Variants in ADAMTS16 observed in about 807,000 individuals in gnomAD.
ADAMTS16 encodes A disintegrin and metalloproteinase with thrombospondin motifs 16.
A neutral mutation model predicts 145.8 loss-of-function variants in ADAMTS16; 94 were observed. The observed-to-expected ratio is 0.64, with a 90% confidence interval of 0.55 to 0.77. The LOEUF is 0.77. Ranked by LOEUF, ADAMTS16 falls within the 30% of genes least tolerant of loss-of-function variation. ADAMTS16 has a pLI of 0.00. For missense variants in ADAMTS16, 1,585 were observed against 1,591.5 expected (o/e 1.00, Z 0.07); for synonymous variants, 659 against 604.3 (o/e 1.09, Z -1.33).
At chr5:5,242,329 G>A in intron 17 of ADAMTS16, 138 bp downstream of exon 17, 2 of 1,217,462 alleles carry the variant, frequency 1.6e-6, no homozygotes, top group Non-Finnish European at 2.2e-6. Flanking sequence ...CCCAAGGTGG[G>A]GAGTGGTGGT....
At chr5:5,168,236 C>T (rs1479335850) in intron 3 of ADAMTS16, among the ~76,000 whole-genome samples, 1 of 151,508 alleles carries the variant, frequency 6.6e-6, no homozygotes, top group Non-Finnish European at 1.5e-5. Flanking sequence ...TAATATTTTC[C>T]TTCATTCCAT....
chr5:5,206,878 AG>A (rs1736140480), intron 9 of ADAMTS16, among the ~76,000 whole-genome samples: 1 of 152,202 alleles, frequency 6.6e-6, no homozygotes, highest in African/African-American at 2.4e-5. Context: ...CCTTTGTCAA[AG>A]ATCAGTTGAC....
At chr5:5,189,020 C>T (rs1163248673) in intron 6 of ADAMTS16, among the ~76,000 whole-genome samples, 1 of 152,182 alleles carries the variant, frequency 6.6e-6, no homozygotes, top group Non-Finnish European at 1.5e-5. Flanking sequence ...GCAAGGCTTG[C>T]CCCCGTGTTT....
At chr5:5,171,273 G>C (rs1735034873) in intron 3 of ADAMTS16, among the ~76,000 whole-genome samples, 1 of 151,836 alleles carries the variant, frequency 6.6e-6, no homozygotes, top group Admixed American at 6.6e-5. Context: ...TCTTTCTCTT[G>C]TCTGATTGCT....
At chr5:5,285,109 G>A (rs1739057846) in intron 18 of ADAMTS16, among the ~76,000 whole-genome samples, 1 of 152,272 alleles carries the variant, frequency 6.6e-6, no homozygotes, top group South Asian at 2.1e-4. Context: ...TGACCACCAT[G>A]ATGTTTAAGA....
intron 18 of ADAMTS16, among the ~76,000 whole-genome samples, chr5:5,263,761 G>A (rs558114522): frequency 1.3e-5 from 2 of 152,290 alleles, no homozygotes; most frequent in African/African-American, 4.8e-5. Context: ...CCCAATGGAC[G>A]GAGGTGTGTT....
chr5:5,318,364 A>G lies in ADAMTS16; in HGVS notation c.3559+83A>G. Reference sequence around the variant, plus strand: ...TGGAGCAGTTCCTTGGGGGGCCTGGAGTTAGGGTCTTGCGTCTGATCTACC... The same window carrying G: ...TGGAGCAGTTCCTTGGGGGGCCTGGGGTTAGGGTCTTGCGTCTGATCTACC... On this transcript the variant is annotated intron_variant, in intron 22 of 22. Transcript: ENST00000274181. 1 of 1,277,512 alleles carries G rather than the reference A, an allele frequency of 7.8e-7. No individual in the cohort carries two copies. Among genetic ancestry groups the G allele is most frequent in the Non-Finnish European group, 1.0e-6 (1 of 983,898 alleles). 79.1% of individuals were successfully genotyped at this position (1,277,512 alleles called of 1,614,324 possible).
intron 7 of ADAMTS16, 42 bp downstream of exon 7, chr5:5,190,172 T>A: frequency 6.6e-7 from 1 of 1,523,634 alleles, no homozygotes; most frequent in Non-Finnish European, 8.8e-7. Context: ...GTGTGGAATG[T>A]GCACCCCTGG....
chr5:5,293,983 C>T (rs1739431483), intron 18 of ADAMTS16, among the ~76,000 whole-genome samples: 1 of 152,178 alleles, frequency 6.6e-6, no homozygotes, highest in Non-Finnish European at 1.5e-5. Context: ...GGATGGAGGC[C>T]ACAGGTCCAT....
chr5:5,264,268 A>T (rs1579355351), intron 18 of ADAMTS16, among the ~76,000 whole-genome samples: 1 of 152,056 alleles, frequency 6.6e-6, no homozygotes, highest in African/African-American at 2.4e-5. Flanking sequence ...TTCACAGGGG[A>T]CCTGCCCCTG....
In ADAMTS16 at chr5:5,242,744, G is replaced by A. The variant is rs189542854; in HGVS notation, c.2662+553G>A. On this transcript the variant is annotated intron_variant, in intron 17 of 22. Transcript: ENST00000274181. ...GCACATGTCAATTGAGTGCCTTGTC[G>A]CCTTCATACTGTAAACAATGGAAGC... 2.6e-3 allele frequency among the ~76,000 whole-genome samples: 399 copies of A among 152,254 alleles called. 2 individuals carry two copies. The highest frequency in any genetic ancestry group is 9.0e-3 in the African/African-American group (375 of 41,544).
chr5:5,318,149 G>C lies in ADAMTS16; in HGVS notation c.3427G>C (p.Gly1143Arg), dbSNP rs983981187. The change falls in exon 22 of 23, where the codon GGG becomes CGG. Residue 1143 changes from glycine (G) to arginine (R), a missense_variant. This residue lies in a region of ADAMTS16 where 834 missense variants were observed against 811.7 expected (regional missense o/e 1.03). Transcript: ENST00000274181. ...GCTCTCACAGTGCACGGCCAGCTGT[G>C]GGGGAGGCGTTCAGACGAGGTCCGT... ...SPWSQCTASC[G>R]GGVQTRSVQC... 3 of 1,492,566 alleles carry C rather than the reference G, an allele frequency of 2.0e-6. No individual in the cohort carries two copies. The highest frequency in any genetic ancestry group is 4.9e-5 in the East Asian group (2 of 40,504). The allele number at this position is 1,492,566 out of a possible 1,614,324, so 92.5% of individuals were successfully genotyped here. A position where few individuals can be genotyped will look rare whatever the true frequency, so the allele number is the denominator to read the frequency against.
rs766996201 is a variant in ADAMTS16, at chr5:5,306,742, T to G, written c.3411+14T>G. 6.3e-7 allele frequency: 1 copy of G among 1,589,248 alleles called. No individual in the cohort carries two copies. The highest frequency in any genetic ancestry group is 8.6e-7 in the Non-Finnish European group (1 of 1,166,822). ...CCCTGGTCTCAGGTAGGGGAGGCCC[T>G]CGGTTCCTGGAGAGTGGGCGAGCAC... On this transcript the variant is annotated intron_variant, in intron 21 of 22. Coordinates refer to ENST00000274181, the MANE Select transcript of ADAMTS16 (RefSeq NM_139056.4).
At chr5:5,222,768 C>G in intron 10 of ADAMTS16, 21 bp from the exon 11 acceptor site, 1 of 1,591,576 alleles carries the variant, frequency 6.3e-7, no homozygotes, top group Non-Finnish European at 8.6e-7. Flanking sequence ...ATCCTAATGA[C>G]CTTTTACAAA....
chr5:5,251,368 T>C (rs1473884512), intron 17 of ADAMTS16, among the ~76,000 whole-genome samples: 1 of 152,220 alleles, frequency 6.6e-6, no homozygotes, highest in South Asian at 2.1e-4. Context: ...GCAGCTCACA[T>C]TCTTGAGCAA....
At chr5:5,181,185 T>C (rs1488488058) in intron 3 of ADAMTS16, among the ~76,000 whole-genome samples, 1 of 152,212 alleles carries the variant, frequency 6.6e-6, no homozygotes, top group African/African-American at 2.4e-5. Context: ...GTTAACTCCC[T>C]GGAGTTGAAT....
At chr5:5,196,783 A>C (rs1468287088) in intron 8 of ADAMTS16, among the ~76,000 whole-genome samples, 3 of 152,210 alleles carry the variant, frequency 2.0e-5, no homozygotes, top group Non-Finnish European at 4.4e-5. Context: ...AGTCCCAGGC[A>C]TTCTGTACAG....
intron 10 of ADAMTS16, among the ~76,000 whole-genome samples, chr5:5,214,099 C>T (rs1337285898): frequency 2.0e-5 from 3 of 152,134 alleles, no homozygotes; most frequent in Admixed American, 6.5e-5. Context: ...GCAAATGCGG[C>T]GTTCATTCTC....
intron 17 of ADAMTS16, among the ~76,000 whole-genome samples, chr5:5,249,480 C>T (rs1737556106): frequency 6.6e-6 from 1 of 152,052 alleles, no homozygotes; most frequent in Admixed American, 6.6e-5. Context: ...AGCCACCCTG[C>T]TCAATCCCTT....
Sources: gnomAD v4.1 joint callset for allele counts (sites outside exome capture counted in the v4.1 genomes callset) on GRCh38, gnomAD v4.1.1 for gene constraint, gnomAD v4.1.1 regional missense constraint, MANE v1.5 for transcripts, NCBI Gene and HGNC (gene_info 2026-07-23, HGNC 2026-07-21) for gene names.